MYOM2: variants seen among roughly 807,000 people sequenced by gnomAD.
MYOM2 encodes the protein myomesin-2.
In MYOM2, 254 loss-of-function variants were observed where a neutral mutation model predicts 187.6. The ratio of observed to expected loss-of-function variants is 1.35; its 90% confidence interval spans 1.22 to 1.50. MYOM2 has a LOEUF of 1.50. MYOM2 is among the 40% of genes most tolerant of loss of function. The pLI is 0.00. For synonymous variants in MYOM2, 981 were observed against 753.8 expected (o/e 1.30, Z -4.94); for missense variants, 2,796 against 1,924.0 (o/e 1.45, Z -8.48).
At position 2,072,350 on chromosome 8, in the gene MYOM2, CT is replaced by C. The variant is rs1563430391; in HGVS notation, c.800del (p.Leu267ArgfsTer4). On this transcript the variant is annotated frameshift_variant, in exon 9 of 37. Transcript: ENST00000262113. LOFTEE classifies it high-confidence loss of function. ...RSVGLPIGLP[L>X]SSMIPYTHFD... ...CCTCCATCGTTTCTGTGCAGTGCCCCTGTCATCGATGATTCCGTACACGCAC... is the reference window on the plus strand; with the variant it reads ...CCTCCATCGTTTCTGTGCAGTGCCCCGTCATCGATGATTCCGTACACGCAC... The C allele has an allele frequency of 1.2e-6, 2 of 1,614,000 alleles. No individual in the cohort carries two copies. The highest frequency in any genetic ancestry group is 2.2e-5 in the East Asian group (1 of 44,860).
chr8:2,045,322 G>A (rs17751010), intron 1 of MYOM2, among the ~76,000 whole-genome samples, 154 bp downstream of exon 1: 25,171 of 152,244 alleles, frequency 0.17, 2,579 homozygotes, highest in Non-Finnish European at 0.23. Flanking sequence ...GTGGAAAACA[G>A]AGCAATTAGT....
At chr8:2,091,912 T>C (rs1329851358) in intron 15 of MYOM2, among the ~76,000 whole-genome samples, 4 of 152,214 alleles carry the variant, frequency 2.6e-5, no homozygotes, top group African/African-American at 7.2e-5. Flanking sequence ...CAGGATCTGA[T>C]GGTTAGGTCA....
intron 6 of MYOM2, among the ~76,000 whole-genome samples, chr8:2,062,023 G>A (rs184475554): frequency 1.3e-5 from 2 of 152,218 alleles, no homozygotes; most frequent in African/African-American, 4.8e-5. Flanking sequence ...GATGCCAGGT[G>A]GACCTTCATG....
intron 30 of MYOM2, 137 bp downstream of exon 30, chr8:2,123,779 A>G: frequency 1.4e-6 from 1 of 733,112 alleles, no homozygotes; most frequent in Non-Finnish European, 2.3e-6. Context: ...TGTAGAAAAA[A>G]ACTATTTGTT....
Position 2,050,863 on chromosome 8 carries a change from G to T in MYOM2, c.97G>T (p.Ala33Ser). ...AACACGGTACCTGCTGGACGAATATGCGTCAAAAAAGTAAGCTGACATTCG... is the reference window on the plus strand; with the variant it reads ...AACACGGTACCTGCTGGACGAATATTCGTCAAAAAAGTAAGCTGACATTCG... ...IQTRYLLDEY[A>S]SKKRASTQAS... The change falls in exon 2 of 37, where the codon GCG becomes TCG. Residue 33 changes from alanine to serine, a missense_variant. Physicochemically the swap from Ala to Ser is moderately conservative, Grantham distance 99. Coordinates refer to ENST00000262113, the MANE Select transcript of MYOM2 (RefSeq NM_003970.4). The T allele has an allele frequency of 6.2e-7, 1 of 1,609,344 alleles. No homozygotes were observed.
At chr8:2,069,247 G>T in intron 6 of MYOM2, 31 bp from the exon 7 acceptor site, 1 of 1,594,806 alleles carries the variant, frequency 6.3e-7, no homozygotes, top group Non-Finnish European at 8.6e-7. Flanking sequence ...CAACAGTCCC[G>T]CAGACTTTCT....
intron 25 of MYOM2, among the ~76,000 whole-genome samples, chr8:2,111,023 A>G (rs1241031777): frequency 2.6e-5 from 4 of 152,208 alleles, no homozygotes; most frequent in Non-Finnish European, 4.4e-5. Flanking sequence ...TTACTGTCTG[A>G]TCCAGGTAAT....
intron 18 of MYOM2, chr8:2,097,961 C>G (rs1025939095): frequency 5.6e-4 from 70 of 125,970 alleles, no homozygotes; most frequent in African/African-American, 1.9e-3. Context: ...GCCTCCCCGA[C>G]CCGGCACCCG....
In MYOM2 at chr8:2,104,340, C is replaced by T. The variant is rs1307965677; in HGVS notation, c.2734+1559C>T. Reference sequence around the variant, plus strand: ...ATTGGGGCGTGGGTGTGGTGGCTCACGCCTGTAATCCCAGCAATTTGGGAA... The same window carrying T: ...ATTGGGGCGTGGGTGTGGTGGCTCATGCCTGTAATCCCAGCAATTTGGGAA... On this transcript the variant is annotated intron_variant, in intron 21 of 36. Transcript: ENST00000262113. 4.6e-5 allele frequency among the ~76,000 whole-genome samples: 7 copies of T among 152,206 alleles called. No individual in the cohort carries two copies. In the South Asian group the frequency reaches 1.2e-3, roughly 27 times the overall value.
intron 32 of MYOM2, among the ~76,000 whole-genome samples, chr8:2,135,483 G>A (rs1363335927): frequency 6.6e-6 from 1 of 152,100 alleles, no homozygotes; most frequent in East Asian, 1.9e-4. Flanking sequence ...CAGAACTGGA[G>A]CCCAGACCTT....
chr8:2,100,947 T>C lies in MYOM2; in HGVS notation c.2512T>C (p.Tyr838His). The C allele has an allele frequency of 1.9e-6, 3 of 1,614,230 alleles. No individual in the cohort carries two copies. In the South Asian group the frequency reaches 3.3e-5, roughly 18 times the overall value. The change falls in exon 20 of 37, where the codon TAC becomes CAC. Residue 838 changes from tyrosine (Y) to histidine (H), a missense_variant. By Grantham distance (83) the Tyr-to-His change is moderately conservative. Coordinates refer to ENST00000262113, the MANE Select transcript of MYOM2 (RefSeq NM_003970.4). ...GGTCATGCTGTGGAAGGCCCCTGTG[T>C]ACTCCGGCAGCAGCCCTGTTTCTGG... ...SLVMLWKAPV[Y>H]SGSSPVSGYF... is the part of the protein sequence containing the mutation.
At chr8:2,119,452 G>C (rs767795205) in intron 28 of MYOM2, 33 of 153,306 alleles carry the variant, frequency 2.2e-4, no homozygotes, top group South Asian at 6.2e-4. Flanking sequence ...GCGTGGCCGG[G>C]TGAGGAGGGG....
chr8:2,059,179 A>C lies in MYOM2; in HGVS notation c.587A>C (p.Gln196Pro), dbSNP rs1216872377. 6.2e-7 allele frequency: 1 copy of C among 1,614,082 alleles called. No homozygotes were observed. The highest frequency in any genetic ancestry group is 8.5e-7 in the Non-Finnish European group (1 of 1,180,034). Residue 196 changes from glutamine (Q) to proline (P), a missense_variant, in exon 6 of 37, where the codon CAG becomes CCG. Coordinates refer to ENST00000262113, the MANE Select transcript of MYOM2 (RefSeq NM_003970.4). ...QWYKDGSLIC[Q>P]AAEPGKYRIE... ...TACAAAGATGGCAGTCTGATTTGCC[A>C]GGCGGCTGAACCGGGAAAGTACAGG...
chr8:2,072,477 G>C lies in MYOM2; in HGVS notation c.926G>C (p.Arg309Pro), dbSNP rs139473063. The C allele has an allele frequency of 2.5e-6, 4 of 1,613,942 alleles. No individual in the cohort carries two copies. Among genetic ancestry groups the C allele is most frequent in the Non-Finnish European group, 2.5e-6 (3 of 1,180,040 alleles). Residue 309 changes from arginine to proline, a missense_variant, in exon 9 of 37, where the codon CGG becomes CCG. By Grantham distance (103) the Arg-to-Pro change is moderately radical (BLOSUM62 -2). Coordinates refer to ENST00000262113, the MANE Select transcript of MYOM2 (RefSeq NM_003970.4). ...CTMLVTPDLK[R>P]VQPRAEWYRD... ...ATGCTGGTGACGCCGGACCTGAAGC[G>C]GGTGCAGCCGCGCGCCGAGTGGTAC...
Position 2,052,400 on chromosome 8 carries a change from T to C in MYOM2, c.263+87T>C, listed in dbSNP as rs563137948. The C allele has an allele frequency of 1.9e-5, 26 of 1,380,776 alleles. No individual in the cohort carries two copies. The East Asian group carries it at 5.3e-4, about 28-fold the overall frequency. 85.5% of individuals were successfully genotyped at this position (1,380,776 alleles called of 1,614,324 possible). A position where few individuals can be genotyped will look rare whatever the true frequency, so the allele number is the denominator to read the frequency against. On this transcript the variant is annotated intron_variant, in intron 3 of 36. Transcript: ENST00000262113. ...TGGGGTGAGGAGGGAAGAGCGACCT[T>C]AGCTGAGAGGGAAGATCAAGGAACA...
At chr8:2,110,883 C>T (rs1294358971) in intron 25 of MYOM2, among the ~76,000 whole-genome samples, 1 of 152,182 alleles carries the variant, frequency 6.6e-6, no homozygotes, top group Non-Finnish European at 1.5e-5. Context: ...TCCAGTCAGT[C>T]TTTCCCATGA....
intron 28 of MYOM2, among the ~76,000 whole-genome samples, chr8:2,120,658 G>GTATATATATAT (rs1797397074): frequency 7.1e-4 from 2 of 2,822 alleles, no homozygotes; most frequent in Non-Finnish European, 2.3e-3. Context: ...TTGATTTCCT[G>GTATATATATAT]TATATATATA....
chr8:2,063,732 G>C (rs1818923120), intron 6 of MYOM2, among the ~76,000 whole-genome samples: 1 of 152,234 alleles, frequency 6.6e-6, no homozygotes, highest in East Asian at 1.9e-4. Context: ...CATGAGAATT[G>C]ATATGGCACT....
In MYOM2 at chr8:2,101,039, C is replaced by G; in HGVS notation, c.2604C>G (p.Ala868=). 1 of 1,614,136 alleles carries G rather than the reference C, an allele frequency of 6.2e-7. No individual in the cohort carries two copies. The highest frequency in any genetic ancestry group is 2.2e-5 in the East Asian group (1 of 44,860). The stretch of plus-strand genomic sequence containing the variant: ...TCACTGTCAATCAGACGACAACAGC[C>G]AGCCGTTATTTAAAGGTAAGTCTTG... The part of the protein sequence containing the change: ...EWITVNQTTT[A]SRYLKVSDLQ... The change falls in exon 20 of 37, where the codon GCC becomes GCG. Residue 868 remains alanine, a synonymous_variant. Coordinates refer to ENST00000262113, the MANE Select transcript of MYOM2 (RefSeq NM_003970.4).
Sources: allele counts gnomAD v4.1 joint callset (sites outside exome capture counted in the v4.1 genomes callset), GRCh38; gene constraint gnomAD v4.1.1; transcripts MANE v1.5; gene names NCBI Gene and HGNC (gene_info 2026-07-23, HGNC 2026-07-21).